Variants in KPNB1 observed in about 807,000 individuals in gnomAD.
KPNB1 encodes importin subunit beta-1.
Under a neutral mutation model 113.0 loss-of-function variants are expected in KPNB1, and 7 were observed. That is an observed-to-expected ratio of 0.06 (90% CI 0.04 to 0.12). The LOEUF is 0.12. Ranked by LOEUF, KPNB1 falls within the 10% of genes least tolerant of loss-of-function variation. KPNB1 has a pLI of 1.00. For synonymous variants in KPNB1, 363 were observed against 378.6 expected (o/e 0.96, Z 0.48); for missense variants, 400 against 1,054.8 (o/e 0.38, Z 8.60).
chr17:47,656,200 A>G (rs763353359), intron 3 of KPNB1, among the ~76,000 whole-genome samples: 3 of 151,956 alleles, frequency 2.0e-5, no homozygotes, highest in Non-Finnish European at 2.9e-5. Flanking sequence ...CGGAGGTTGC[A>G]GTGAGCCGAG....
At chr17:47,678,964 A>G (rs1285592437) in intron 19 of KPNB1, among the ~76,000 whole-genome samples, 1 of 151,726 alleles carries the variant, frequency 6.6e-6, no homozygotes, top group African/African-American at 2.4e-5. Flanking sequence ...CTCTCACCCA[A>G]GCTGGAGTGC....
intron 3 of KPNB1, among the ~76,000 whole-genome samples, chr17:47,655,255 G>A (rs1315545092): frequency 7.2e-5 from 11 of 152,170 alleles, no homozygotes; most frequent in Admixed American, 7.2e-4. Context: ...GGTCAATTGT[G>A]GCTTCATCTT....
rs1265319339 is a variant in KPNB1 at position 47,662,414 on chromosome 17, A to G, written c.697-675A>G. Among the ~76,000 whole-genome samples the G allele has an allele frequency of 5.3e-5, 8 of 152,018 alleles. No individual in the cohort carries two copies. The East Asian group carries it at 9.7e-4, about 18-fold the overall frequency. On this transcript the variant is annotated intron_variant, in intron 6 of 21. Coordinates refer to ENST00000290158, the MANE Select transcript of KPNB1 (RefSeq NM_002265.6). Reference sequence around the variant, plus strand: ...AGTCTGGGCAACATGGCGAAACTCCATGTCCACAAAGATTAGCTGTGCGTG... The same window carrying G: ...AGTCTGGGCAACATGGCGAAACTCCGTGTCCACAAAGATTAGCTGTGCGTG...
chr17:47,664,643 T>TGG (rs768203445), intron 8 of KPNB1, among the ~76,000 whole-genome samples: 23 of 152,216 alleles, frequency 1.5e-4, no homozygotes, highest in Admixed American at 4.6e-4. Context: ...GAGTCAGATA[T>TGG]GGAAGAGAAT....
intron 21 of KPNB1, among the ~76,000 whole-genome samples, chr17:47,681,054 T>TG (rs879902521): frequency 0.043 from 5,532 of 128,390 alleles, 201 homozygotes; most frequent in African/African-American, 0.11. Context: ...CAAATGTTTT[T>TG]TTGTGTGTGT....
At chr17:47,663,287 A>G in intron 7 of KPNB1, 109 bp downstream of exon 7, 1 of 694,640 alleles carries the variant, frequency 1.4e-6, no homozygotes, top group Non-Finnish European at 2.6e-6. Flanking sequence ...CTATGGAATC[A>G]AGGAAATTCC....
In KPNB1 at chr17:47,650,411, G is replaced by T; in HGVS notation, c.66G>T (p.Gln22His). ...ATCGGCTGGAGCTGGAAGCGGCGCA[G>T]AAGTTCCTGGAGCGTGCGGCCGTGG... The part of the protein sequence containing the change: ...SPDRLELEAA[Q>H]KFLERAAVEN... Residue 22 changes from glutamine to histidine, a missense_variant, in exon 2 of 22, where the codon CAG becomes CAT. Around this residue, in one of 2 missense-constraint regions of KPNB1, gnomAD observed 285 missense variants for 627.0 expected, o/e 0.45. Coordinates refer to ENST00000290158, the MANE Select transcript of KPNB1 (RefSeq NM_002265.6). 1.2e-6 allele frequency: 2 copies of T among 1,609,804 alleles called. No homozygotes were observed. The highest frequency in any genetic ancestry group is 1.7e-6 in the Non-Finnish European group (2 of 1,179,020).
chr17:47,657,169 T>G, intron 4 of KPNB1, 109 bp downstream of exon 4: 1 of 891,194 alleles, frequency 1.1e-6, no homozygotes, highest in South Asian at 1.5e-5. Flanking sequence ...CCAAGCTAAA[T>G]TGCACAGTTT....
chr17:47,672,986 A>G, intron 12 of KPNB1, 32 bp from the exon 13 acceptor site: 1 of 1,590,314 alleles, frequency 6.3e-7, no homozygotes, highest in Non-Finnish European at 8.5e-7. Context: ...TTTTCATTTG[A>G]GGCTTTAAGA....
chr17:47,661,401 A>G (rs1159312316), intron 6 of KPNB1, among the ~76,000 whole-genome samples: 1 of 151,936 alleles, frequency 6.6e-6, no homozygotes, highest in Admixed American at 6.6e-5. Context: ...GGAGTTTCAT[A>G]CCAGTCTGGC....
At chr17:47,675,368 T>TG (rs1175856773) in intron 15 of KPNB1, among the ~76,000 whole-genome samples, 3 of 116,600 alleles carry the variant, frequency 2.6e-5, no homozygotes, top group Admixed American at 8.0e-5. Context: ...GTTGTTTTTT[T>TG]TTTGTTTTTT....
chr17:47,674,798 T>G lies in KPNB1; in HGVS notation c.1912+16T>G, dbSNP rs1039761519. On this transcript the variant is annotated intron_variant, in intron 15 of 21. Transcript: ENST00000290158. ...CTGGTGGAAGGTCGGTGAGAAATAC[T>G]GTCTGGTCAGGGAATGTCTTTGGAA... 1.2e-6 allele frequency: 2 copies of G among 1,602,554 alleles called. No individual in the cohort carries two copies. The highest frequency in any genetic ancestry group is 1.7e-5 in the Admixed American group (1 of 57,302).
chr17:47,663,814 G>A (rs1045646615), intron 7 of KPNB1, among the ~76,000 whole-genome samples: 4 of 151,650 alleles, frequency 2.6e-5, no homozygotes, highest in Non-Finnish European at 4.4e-5. Flanking sequence ...GTGAAACCCC[G>A]CCTCTACAAA....
chr17:47,658,822 C>T (rs1433433294), intron 5 of KPNB1, among the ~76,000 whole-genome samples, 162 bp downstream of exon 5: 1 of 152,132 alleles, frequency 6.6e-6, no homozygotes, highest in Non-Finnish European at 1.5e-5. Context: ...TGAGATATCC[C>T]CATGGAGTGT....
chr17:47,676,886 T>G, intron 16 of KPNB1, 134 bp from the exon 17 acceptor site: 1 of 632,232 alleles, frequency 1.6e-6, no homozygotes. Context: ...ATGTTGGTTG[T>G]TGAAAAATTA....
At chr17:47,670,637 A>G (rs746218366) in intron 11 of KPNB1, 65 bp from the exon 12 acceptor site, 55 of 1,490,920 alleles carry the variant, frequency 3.7e-5, no homozygotes, top group Non-Finnish European at 4.6e-5. Flanking sequence ...ATCTTAATGA[A>G]AAATGAGATA....
chr17:47,663,764 C>T (rs920363199), intron 7 of KPNB1, among the ~76,000 whole-genome samples: 8 of 152,096 alleles, frequency 5.3e-5, no homozygotes, highest in Non-Finnish European at 7.4e-5. Flanking sequence ...ACTGACAGAT[C>T]GCTTGAGTCC....
chr17:47,682,766 G>T lies in KPNB1; in HGVS notation c.*362G>T, dbSNP rs1480155925. 4 of 285,172 alleles carry T rather than the reference G, an allele frequency of 1.4e-5. No individual in the cohort carries two copies. The highest frequency in any genetic ancestry group is 8.9e-5 in the African/African-American group (4 of 44,876). The allele number at this position is 285,172 out of a possible 1,614,324, so 17.7% of individuals were successfully genotyped here. ...TTGGCCAGTGCCGAGTGGAATGCCT[G>T]GTTTGGGGGAGGAGGAGGGACTGGG... On this transcript the variant is annotated 3_prime_UTR_variant, in exon 22 of 22. Transcript: ENST00000290158.
chr17:47,675,372 GTT>G (rs755565036), intron 15 of KPNB1, among the ~76,000 whole-genome samples: 1 of 86,074 alleles, frequency 1.2e-5, no homozygotes, highest in Admixed American at 1.2e-4. Flanking sequence ...TTTTTTTTTT[GTT>G]TTTTTTTTTT....
Sources: gnomAD v4.1 joint callset for allele counts (sites outside exome capture counted in the v4.1 genomes callset) on GRCh38, gnomAD v4.1.1 for gene constraint, gnomAD v4.1.1 regional missense constraint, MANE v1.5 for transcripts, NCBI Gene and HGNC (gene_info 2026-07-23, HGNC 2026-07-21) for gene names.